Variants in WRAP73 observed in about 807,000 individuals in gnomAD.
The protein encoded by WRAP73 is WD repeat containing, antisense to TP73, also known as WD repeat-containing protein WRAP73.
In WRAP73, 55 loss-of-function variants were observed where a neutral mutation model predicts 59.6. The ratio of observed to expected loss-of-function variants is 0.92; its 90% CI spans 0.74 to 1.15. The LOEUF is 1.15. Among genes scored for constraint, WRAP73 ranks in the 50% most tolerant of loss-of-function variants. The pLI, the probability that WRAP73 is intolerant of heterozygous loss-of-function variation, is 0.00. For synonymous variants in WRAP73, 265 were observed against 258.2 expected, an observed-to-expected ratio of 1.03 and a Z score of -0.25; for missense variants, 592 against 608.1, an observed-to-expected ratio of 0.97 and a Z score of 0.28.
At position 3,647,447 on chromosome 1, in the gene WRAP73, G is replaced by A. The variant is rs371525406; in HGVS notation, c.183C>T (p.Leu61=). 5.0e-6 allele frequency: 8 copies of A among 1,613,814 alleles called. No individual in the cohort carries two copies. The highest frequency in any genetic ancestry group is 3.3e-5 in the Admixed American group (2 of 59,988). The change falls in exon 2 of 12, where the codon CTC becomes CTT. Residue 61 remains leucine (L), a synonymous_variant. Transcript: ENST00000270708. Reference sequence around the variant, plus strand: ...GCTTGTACATGGCGCACAGGATGAAGAGCGAGTCTGCCGACCACTCGATGT... The same window carrying A: ...GCTTGTACATGGCGCACAGGATGAAAAGCGAGTCTGCCGACCACTCGATGT... ...IQHIEWSADS[L]FILCAMYKRG...
rs1215280159 is a variant in WRAP73, at chr1:3,639,753, G to A, written c.340-931C>T. On this transcript the variant is annotated intron_variant, in intron 3 of 11. Transcript: ENST00000270708. The surrounding 1 kb of genome is among the most constrained non-coding windows in gnomAD (Gnocchi z 4.3). ...GACACAGGGCTGCGCAGCTCCATGT[G>A]GGGTGGGGTGCTGACTGCCAGCTCC... is the stretch of plus-strand genomic sequence containing the variant. 1.3e-5 allele frequency: 2 copies of A among 152,080 alleles called. No individual in the cohort carries two copies. Among genetic ancestry groups the A allele is most frequent in the African/African-American group, 2.4e-5 (1 of 41,352 alleles). The allele number at this position is 152,080 out of a possible 1,614,324, so 9.4% of individuals were successfully genotyped here. A position where few individuals can be genotyped will look rare whatever the true frequency, so the allele number is the denominator to read the frequency against.
Position 3,631,560 on chromosome 1 carries a change from G to A in WRAP73, c.1146C>T (p.Asp382=). Reference sequence around the variant, plus strand: ...AGATGGCCAGCCGCGGCTGCTGCGGGTCCCACTGAAATGCGCGCACTGGGG... The same window carrying A: ...AGATGGCCAGCCGCGGCTGCTGCGGATCCCACTGAAATGCGCGCACTGGGG... ...QLSPVRAFQW[D]PQQPRLAICT... is the part of the protein sequence containing the mutation. Residue 382 remains aspartate (D), a synonymous_variant, in exon 11 of 12, where the codon GAC becomes GAT. Coordinates refer to ENST00000270708, the MANE Select transcript of WRAP73 (RefSeq NM_017818.4). The A allele has an allele frequency of 6.2e-7, 1 of 1,611,686 alleles. No homozygotes were observed. The highest frequency in any genetic ancestry group is 8.5e-7 in the Non-Finnish European group (1 of 1,179,810).
At chr1:3,634,726 G>C (rs966774972) in intron 8 of WRAP73, 2 of 489,994 alleles carry the variant, frequency 4.1e-6, no homozygotes, top group Non-Finnish European at 7.5e-6. Flanking sequence ...TCTGCATCCA[G>C]ACAGACCACA....
chr1:3,637,098 C>A lies in WRAP73; in HGVS notation c.413G>T (p.Gly138Val). The A allele has an allele frequency of 6.2e-7, 1 of 1,606,142 alleles. No individual in the cohort carries two copies. Among genetic ancestry groups the A allele is most frequent in the South Asian group, 1.1e-5 (1 of 89,820 alleles). The change falls in exon 5 of 12, where the codon GGA becomes GTA. Residue 138 changes from glycine (G) to valine (V), a missense_variant and splice_region_variant. Gly to Val is a moderately radical substitution (Grantham distance 109). Transcript: ENST00000270708. ...YIKYPKACLQ[G>V]ITFTRDGRYM... ...GCGGCCGTCCCTGGTGAAGGTGATT[C>A]CTGTGGGAAGAGGCAAATGCACTGA...
intron 3 of WRAP73, among the ~76,000 whole-genome samples, chr1:3,640,888 G>A (rs1326515923): frequency 2.0e-5 from 3 of 152,204 alleles, no homozygotes; most frequent in African/African-American, 4.8e-5. Flanking sequence ...CCCACCTGTG[G>A]CCCTGCATCC....
chr1:3,632,997 CCA>C, intron 9 of WRAP73: 2 of 246,390 alleles, frequency 8.1e-6, no homozygotes, highest in Non-Finnish European at 1.6e-5. Flanking sequence ...TAGGAAATGC[CCA>C]GAGTCAAGAG....
At chr1:3,643,448 C>T (rs1397681252) in intron 3 of WRAP73, among the ~76,000 whole-genome samples, 1 of 152,332 alleles carries the variant, frequency 6.6e-6, no homozygotes, top group Admixed American at 6.5e-5. Context: ...CACTGAACCT[C>T]GTCTAATGGG....
intron 1 of WRAP73, among the ~76,000 whole-genome samples, chr1:3,648,977 A>G (rs1266088729): frequency 6.6e-6 from 1 of 152,254 alleles, no homozygotes; most frequent in Non-Finnish European, 1.5e-5. Flanking sequence ...GACAGAGCAC[A>G]GGAATGTCAG....
At position 3,646,697 on chromosome 1, in the gene WRAP73, C is replaced by T; in HGVS notation, c.308G>A (p.Gly103Glu). The T allele has an allele frequency of 6.2e-7, 1 of 1,605,418 alleles. No individual in the cohort carries two copies. Among genetic ancestry groups the T allele is most frequent in the South Asian group, 1.1e-5 (1 of 90,822 alleles). ...TTCCGTGGTGTTGAGAATGTGGCGC[C>T]CGTCCGGGCTCCAGCACGAGGCCAC... is the stretch of plus-strand genomic sequence containing the variant. ...GLVASCWSPDGRHILNTTEFH... is the reference protein window; with the variant it reads ...GLVASCWSPDERHILNTTEFH... Residue 103 changes from glycine to glutamate, a missense_variant, in exon 3 of 12, where the codon GGG becomes GAG. Transcript: ENST00000270708. The surrounding 1 kb of genome is among the most constrained non-coding windows in gnomAD (Gnocchi z 5.1).
At chr1:3,641,882 A>C (rs1570306712) in intron 3 of WRAP73, among the ~76,000 whole-genome samples, 1 of 152,362 alleles carries the variant, frequency 6.6e-6, no homozygotes, top group Middle Eastern at 3.4e-3. Flanking sequence ...CATATCAAGA[A>C]AATCCTAACC....
At chr1:3,636,174 T>C in intron 5 of WRAP73, 144 bp from the exon 6 acceptor site, 1 of 660,702 alleles carries the variant, frequency 1.5e-6, no homozygotes, top group South Asian at 1.8e-5. Flanking sequence ...TGGAAATGCA[T>C]GAAATCCCTG....
chr1:3,636,767 A>G, intron 5 of WRAP73: 1 of 595,450 alleles, frequency 1.7e-6, no homozygotes, highest in Non-Finnish European at 3.1e-6. Context: ...CAAATGTGAC[A>G]GCATATTCAC....
At chr1:3,633,587 C>A in intron 8 of WRAP73, 84 bp from the exon 9 acceptor site, 1 of 1,074,200 alleles carries the variant, frequency 9.3e-7, no homozygotes, top group Non-Finnish European at 1.3e-6. Context: ...CATGACAGCG[C>A]ATGGTCAACA....
chr1:3,643,150 A>G (rs1644662553), intron 3 of WRAP73, among the ~76,000 whole-genome samples: 1 of 152,268 alleles, frequency 6.6e-6, no homozygotes, highest in Non-Finnish European at 1.5e-5. Flanking sequence ...GGGAAGGCCC[A>G]GCGATGCCTG....
intron 9 of WRAP73, 55 bp from the exon 10 acceptor site, chr1:3,632,393 G>A (rs957341719): frequency 4.3e-6 from 7 of 1,612,498 alleles, no homozygotes; most frequent in Admixed American, 1.7e-5. Flanking sequence ...AAGTACGCAC[G>A]CGGCTGAGAG....
intron 1 of WRAP73, among the ~76,000 whole-genome samples, chr1:3,648,370 T>C (rs1644710681): frequency 6.6e-6 from 1 of 152,220 alleles, no homozygotes; most frequent in Admixed American, 6.5e-5. Flanking sequence ...GTCAAAGTAG[T>C]TTGTGTTTTA....
At chr1:3,643,152 C>A (rs1014680286) in intron 3 of WRAP73, among the ~76,000 whole-genome samples, 1 of 152,240 alleles carries the variant, frequency 6.6e-6, no homozygotes, top group Non-Finnish European at 1.5e-5. Flanking sequence ...GAAGGCCCAG[C>A]GATGCCTGTC....
In WRAP73 at chr1:3,645,380, GTGGCGCAGCGGGACGGGCGGGTTGCC is replaced by G. The variant is rs1557463595; in HGVS notation, c.339+1260_339+1285del. Among the ~76,000 whole-genome samples the G allele has an allele frequency of 4.3e-3, 438 of 103,058 alleles. 4 individuals carry two copies. Among genetic ancestry groups the G allele is most frequent in the African/African-American group, 0.012 (415 of 34,262 alleles). The allele number at this position is 103,058 out of a possible 152,430, so 67.6% of individuals were successfully genotyped here. The stretch of plus-strand genomic sequence containing the variant: ...ATGGGCGGGTTGCCCCGTGGTGTGC[GTGGCGCAGCGGGACGGGCGGGTTGCC>G]CCGTGGTGTGCGCGGCGCAGCGGGA... On this transcript the variant is annotated intron_variant, in intron 3 of 11. Transcript: ENST00000270708.
chr1:3,645,384 C>T (rs541804285), intron 3 of WRAP73, among the ~76,000 whole-genome samples: 40 of 134,546 alleles, frequency 3.0e-4, no homozygotes, highest in African/African-American at 1.3e-3. Flanking sequence ...GTGTGCGTGG[C>T]GCAGCGGGAC....
Sources: allele counts gnomAD v4.1 joint callset (sites outside exome capture counted in the v4.1 genomes callset), GRCh38; gene constraint gnomAD v4.1.1; non-coding constraint Gnocchi (gnomAD v3.1); transcripts MANE v1.5; gene names NCBI Gene and HGNC (gene_info 2026-07-23, HGNC 2026-07-21).